The following N4BP2L2 variants were observed in gnomAD, a reference collection of about 807,000 sequenced individuals.
N4BP2L2 encodes NEDD4-binding protein 2-like 2.
In N4BP2L2, 50 loss-of-function variants were observed where a neutral mutation model predicts 56.2. That is an observed-to-expected ratio of 0.89 (90% CI 0.71 to 1.13). N4BP2L2 has a LOEUF of 1.13. N4BP2L2 is among the 50% of genes most tolerant of loss of function. The probability of loss-of-function intolerance (pLI) is 0.00; values close to 1 mark genes in which losing one functional copy is unlikely to be tolerated. For synonymous variants in N4BP2L2, 203 were observed against 223.6 expected (o/e 0.91, Z 0.82); for missense variants, 689 against 693.8 (o/e 0.99, Z 0.08).
At chr13:32,443,957 C>T in exon 7 of N4BP2L2, 1 of 1,602,722 alleles carries the variant, frequency 6.2e-7, no homozygotes, top group South Asian at 1.1e-5. Context: ...TCAATGTCTT[C>T]CTCTTCACTC....
At chr13:32,480,589 C>G (rs1317160159) in intron 6 of N4BP2L2, 2 of 1,278,602 alleles carry the variant, frequency 1.6e-6, no homozygotes, top group Non-Finnish European at 2.0e-6. Flanking sequence ...TTCCATCTCA[C>G]CTGAGTTGCT....
chr13:32,486,152 T>G (rs1393331383), intron 6 of N4BP2L2, among the ~76,000 whole-genome samples: 1 of 152,104 alleles, frequency 6.6e-6, no homozygotes, highest in East Asian at 1.9e-4. Flanking sequence ...AAACTCCACA[T>G]TCATCATACT....
rs1555265131 is a variant in N4BP2L2 at position 32,500,569 on chromosome 13, A to AAT, written c.365+17287_365+17288insAT. On this transcript the variant is annotated intron_variant, in intron 6 of 9. Coordinates refer to the N4BP2L2 transcript ENST00000357505. ...TACAAAAAAAAAAAAAAAAAAAAAA[A>AAT]TAGCCAGGCATGGTGGCACATGCCT... 3.3e-3 allele frequency among the ~76,000 whole-genome samples: 448 copies of AAT among 134,620 alleles called. 22 individuals are homozygous for AAT. The highest frequency in any genetic ancestry group is 7.9e-3 in the African/African-American group (289 of 36,712). The allele number at this position is 134,620 out of a possible 152,430, so 88.3% of individuals were successfully genotyped here. A position where few individuals can be genotyped will look rare whatever the true frequency, so the allele number is the denominator to read the frequency against.
At chr13:32,490,020 T>C (rs1186534616) in intron 6 of N4BP2L2, 1 of 152,122 alleles carries the variant, frequency 6.6e-6, no homozygotes, top group African/African-American at 2.4e-5. Context: ...GTAAAGCCCA[T>C]ATTGACCCCT....
At chr13:32,445,653 T>C (rs9526233) in intron 6 of N4BP2L2, among the ~76,000 whole-genome samples, 26 of 152,362 alleles carry the variant, frequency 1.7e-4, no homozygotes, top group Admixed American at 5.9e-4. Flanking sequence ...AAGGCATTTT[T>C]GGTGGTCAGA....
chr13:32,474,719 T>C (rs2082965853), intron 6 of N4BP2L2, among the ~76,000 whole-genome samples: 1 of 152,142 alleles, frequency 6.6e-6, no homozygotes, highest in African/African-American at 2.4e-5. Context: ...AATAAAAATG[T>C]GATTTAGCCA....
exon 10 of N4BP2L2, chr13:32,432,768 A>G (rs1474816418): frequency 6.6e-6 from 1 of 152,224 alleles, no homozygotes; most frequent in African/African-American, 2.4e-5. Context: ...AAATTAGACA[A>G]TAAAATGTTC....
At chr13:32,486,870 G>A (rs544513872) in intron 6 of N4BP2L2, among the ~76,000 whole-genome samples, 5 of 152,058 alleles carry the variant, frequency 3.3e-5, no homozygotes, top group Non-Finnish European at 7.4e-5. Context: ...GTGGTGGCAT[G>A]CACCTGTAGA....
chr13:32,509,048 TG>T (rs2091380894), downstream of N4BP2L2: 1 of 152,176 alleles, frequency 6.6e-6, no homozygotes, highest in South Asian at 2.1e-4. Flanking sequence ...GAGGTTAAAA[TG>T]GAAGAAAAGG....
exon 7 of N4BP2L2, chr13:32,442,485 G>A: frequency 1.2e-6 from 2 of 1,613,652 alleles, no homozygotes; most frequent in Non-Finnish European, 1.7e-6. Flanking sequence ...TGCTTGTTAA[G>A]TCTTGGCTGT....
rs769807700 is a variant in N4BP2L2 at position 32,518,019 on chromosome 13, AG to A, written c.1551-17del. On this transcript the variant is annotated splice_polypyrimidine_tract_variant and intron_variant, in intron 5 of 5. Transcript: ENST00000267068. ...TTTATTCCTCCTAACAAAAAAGAAA[AG>A]GATTGTAAATCTTTGTTGCAGAATG... is the stretch of plus-strand genomic sequence containing the variant. 12 of 1,609,842 alleles carry A rather than the reference AG, an allele frequency of 7.5e-6. No individual in the cohort carries two copies. The highest frequency in any genetic ancestry group is 1.0e-5 in the Non-Finnish European group (12 of 1,178,670).
exon 6 of N4BP2L2, chr13:32,511,332 T>A (rs207637): frequency 2.0e-5 from 3 of 152,022 alleles, no homozygotes; most frequent in South Asian, 4.1e-4. Context: ...AGTTATCAGC[T>A]TTCCTTCAAA....
chr13:32,519,927 CATTT>C (rs1219241057), intron 5 of N4BP2L2, among the ~76,000 whole-genome samples: 1 of 152,118 alleles, frequency 6.6e-6, no homozygotes, highest in Non-Finnish European at 1.5e-5. Flanking sequence ...TTTTATCATT[CATTT>C]ATTCAGCATT....
intron 6 of N4BP2L2, among the ~76,000 whole-genome samples, chr13:32,471,200 C>A (rs1055902018): frequency 6.6e-6 from 1 of 152,320 alleles, no homozygotes; most frequent in African/African-American, 2.4e-5. Context: ...GTGTATCAGG[C>A]CTGCATGCCC....
chr13:32,435,514 G>A (rs1287744897), intron 9 of N4BP2L2, among the ~76,000 whole-genome samples: 6 of 152,018 alleles, frequency 3.9e-5, no homozygotes, highest in African/African-American at 1.2e-4. Flanking sequence ...GAGTATAGGC[G>A]TGAGCCACCA....
intron 6 of N4BP2L2, among the ~76,000 whole-genome samples, chr13:32,503,108 G>A (rs1313210181): frequency 1.4e-5 from 2 of 146,180 alleles, no homozygotes; most frequent in African/African-American, 5.1e-5. Flanking sequence ...AGGAGGTGGA[G>A]GCTGCAGTGA....
intron 8 of N4BP2L2, among the ~76,000 whole-genome samples, chr13:32,436,864 CTATTTATT>C (rs71071041): frequency 2.9e-4 from 39 of 132,872 alleles, no homozygotes; most frequent in African/African-American, 7.5e-4. Flanking sequence ...TAATATCTAT[CTATTTATT>C]TATTTATTTA....
intron 6 of N4BP2L2, among the ~76,000 whole-genome samples, chr13:32,461,369 A>G (rs1023765053): frequency 2.0e-5 from 3 of 152,232 alleles, no homozygotes; most frequent in Non-Finnish European, 4.4e-5. Context: ...TAATCTTATG[A>G]CAAGGGACTA....
At chr13:32,526,715 T>C (rs1232948253) in intron 3 of N4BP2L2, among the ~76,000 whole-genome samples, 4 of 151,300 alleles carry the variant, frequency 2.6e-5, no homozygotes, top group Non-Finnish European at 5.9e-5. Flanking sequence ...TACATCAGAA[T>C]CGTCTGGAGA....
Sources: allele counts gnomAD v4.1 joint callset (sites outside exome capture counted in the v4.1 genomes callset), GRCh38; gene constraint gnomAD v4.1.1; transcripts MANE v1.5; gene names NCBI Gene and HGNC (gene_info 2026-07-23, HGNC 2026-07-21).